The following LRP1B variants were observed in gnomAD, a reference collection of about 807,000 sequenced individuals.
LRP1B encodes low-density lipoprotein receptor-related protein 1B.
Under a neutral mutation model 556.6 loss-of-function variants are expected in LRP1B, and 217 were observed. The ratio of observed to expected loss-of-function variants is 0.39; its 90% CI spans 0.35 to 0.44. The LOEUF (loss-of-function observed/expected upper bound fraction) is 0.44. Among genes scored for constraint, LRP1B ranks in the 20% least tolerant of loss-of-function variants. The probability of loss-of-function intolerance (pLI) is 1.00; values close to 1 mark genes in which losing one functional copy is unlikely to be tolerated. For missense variants in LRP1B, 5,053 were observed against 5,620.8 expected, an observed-to-expected ratio of 0.90 and a Z score of 3.23; for synonymous variants, 2,047 against 1,865.8, an observed-to-expected ratio of 1.10 and a Z score of -2.50.
chr2:141,119,105 C>T (rs1307931751), intron 7 of LRP1B, among the ~76,000 whole-genome samples: 4 of 151,892 alleles, frequency 2.6e-5, no homozygotes, highest in Non-Finnish European at 5.9e-5. Context: ...GTTTTACACT[C>T]ATTGTCTTCC....
At chr2:141,248,850 G>A (rs934430393) in intron 4 of LRP1B, among the ~76,000 whole-genome samples, 10 of 152,094 alleles carry the variant, frequency 6.6e-5, no homozygotes, top group African/African-American at 2.4e-4. Context: ...TTTTATCCAA[G>A]AAATTGTCTT....
At chr2:141,858,060 C>T (rs1404476722) in intron 1 of LRP1B, among the ~76,000 whole-genome samples, 1 of 152,236 alleles carries the variant, frequency 6.6e-6, no homozygotes, top group African/African-American at 2.4e-5. Flanking sequence ...CAAGTAGGTA[C>T]CCTAATTCAA....
chr2:140,266,937 T>C (rs1682231998), intron 86 of LRP1B, among the ~76,000 whole-genome samples: 1 of 152,096 alleles, frequency 6.6e-6, no homozygotes, highest in Admixed American at 6.6e-5. Context: ...TGTTACAGCA[T>C]AAAGACTGCA....
chr2:141,527,986 G>T (rs945957221), intron 2 of LRP1B, among the ~76,000 whole-genome samples: 2 of 151,872 alleles, frequency 1.3e-5, no homozygotes, highest in African/African-American at 4.8e-5. Flanking sequence ...CTCAGATGAG[G>T]TCTACTAAAA....
At chr2:140,250,337 T>C (rs2104905237) in intron 86 of LRP1B, among the ~76,000 whole-genome samples, 1 of 151,896 alleles carries the variant, frequency 6.6e-6, no homozygotes, top group East Asian at 1.9e-4. Context: ...TATCATTGGA[T>C]CAGGAACAGA....
intron 2 of LRP1B, among the ~76,000 whole-genome samples, chr2:141,483,914 GC>G (rs1683018514): frequency 6.6e-6 from 1 of 150,654 alleles, no homozygotes; most frequent in African/African-American, 2.4e-5. Context: ...TCTGTAGGTT[GC>G]CTGTTCACTC....
At chr2:140,394,555 T>G (rs1220312664) in intron 66 of LRP1B, among the ~76,000 whole-genome samples, 1 of 152,036 alleles carries the variant, frequency 6.6e-6, no homozygotes, top group Non-Finnish European at 1.5e-5. Context: ...AGCCCTTCCA[T>G]GTTGAGAAAA....
intron 7 of LRP1B, among the ~76,000 whole-genome samples, chr2:141,081,689 A>C (rs1205422370): frequency 9.6e-6 from 1 of 103,698 alleles, no homozygotes; most frequent in East Asian, 2.9e-4. Context: ...TAGCCAATAA[A>C]CTCTATTAAT....
At chr2:141,212,291 T>C (rs1682595110) in intron 6 of LRP1B, among the ~76,000 whole-genome samples, 1 of 107,190 alleles carries the variant, frequency 9.3e-6, no homozygotes, top group South Asian at 3.2e-4. Context: ...TTTTTTTTTT[T>C]TTTTTGTGAC....
At chr2:141,519,075 C>T (rs975266132) in intron 2 of LRP1B, among the ~76,000 whole-genome samples, 7 of 151,830 alleles carry the variant, frequency 4.6e-5, no homozygotes, top group African/African-American at 1.5e-4. Flanking sequence ...AAGTGATGGG[C>T]TTTTCATAAG....
At chr2:140,917,080 AC>A (rs1694602002) in intron 21 of LRP1B, among the ~76,000 whole-genome samples, 1 of 152,222 alleles carries the variant, frequency 6.6e-6, no homozygotes, top group Admixed American at 6.5e-5. Context: ...TGGCAAATGA[AC>A]ATTTGAAAAT....
chr2:140,419,968 A>T (rs780456951), intron 66 of LRP1B, among the ~76,000 whole-genome samples: 5 of 151,312 alleles, frequency 3.3e-5, no homozygotes, highest in Non-Finnish European at 7.4e-5. Flanking sequence ...AGATCATGCC[A>T]CTGCACTCCA....
Position 140,327,087 on chromosome 2 carries a change from C to T in LRP1B, c.12224-1209G>A, listed in dbSNP as rs369801149. 4.0e-4 allele frequency among the ~76,000 whole-genome samples: 61 copies of T among 152,130 alleles called. 2 individuals are homozygous for T. The South Asian group carries it at 7.5e-3, about 19-fold the overall frequency. ...TCTGAATATGACATATTGCATACTT[C>T]GGAAGTACAATGCAGTTAAATACCT... is the stretch of plus-strand genomic sequence containing the variant. On this transcript the variant is annotated intron_variant, in intron 79 of 90. Coordinates refer to ENST00000389484, the MANE Select transcript of LRP1B (RefSeq NM_018557.3).
rs113754359 is a variant in LRP1B, at chr2:140,794,618, C to CTT, written c.5360-18382_5360-18381dup. Among the ~76,000 whole-genome samples the CTT allele has an allele frequency of 2.1e-4, 30 of 144,080 alleles. No homozygotes were observed. The South Asian group carries it at 5.3e-3, about 25-fold the overall frequency. The allele number at this position is 144,080 out of a possible 152,430, so 94.5% of individuals were successfully genotyped here. On this transcript the variant is annotated intron_variant, in intron 32 of 90. Transcript: ENST00000389484. ...ATGGTATTTGTTATATAGCCACTTT[C>CTT]TTTTTTTTTTTTGAGACAGAGTTTC...
intron 6 of LRP1B, among the ~76,000 whole-genome samples, chr2:141,199,276 C>A (rs902379943): frequency 1.3e-5 from 2 of 152,112 alleles, no homozygotes; most frequent in South Asian, 4.1e-4. Context: ...TGTTAAAACA[C>A]CTTAGAGTAT....
intron 1 of LRP1B, among the ~76,000 whole-genome samples, chr2:141,879,759 C>T (rs1203694727): frequency 6.6e-6 from 1 of 151,862 alleles, no homozygotes; most frequent in East Asian, 1.9e-4. Context: ...TCTTGCCAAT[C>T]ATGTTGTTTA....
At chr2:141,941,916 A>G (rs1464463236) in intron 1 of LRP1B, among the ~76,000 whole-genome samples, 2 of 152,236 alleles carry the variant, frequency 1.3e-5, no homozygotes. Context: ...AGACTATTAC[A>G]TAATGCTTAA....
chr2:141,227,258 C>T (rs1051684796), intron 6 of LRP1B, among the ~76,000 whole-genome samples: 12 of 152,012 alleles, frequency 7.9e-5, no homozygotes, highest in Admixed American at 3.9e-4. Flanking sequence ...TTCTTAAGTA[C>T]GCTCAGAAAA....
intron 3 of LRP1B, among the ~76,000 whole-genome samples, chr2:141,374,498 G>A (rs1441447972): frequency 6.6e-6 from 1 of 151,904 alleles, no homozygotes; most frequent in East Asian, 1.9e-4. Flanking sequence ...CTTGCTGCCG[G>A]GAATACCAAT....
Sources: gnomAD v4.1 joint callset for allele counts (sites outside exome capture counted in the v4.1 genomes callset) on GRCh38, gnomAD v4.1.1 for gene constraint, MANE v1.5 for transcripts, NCBI Gene and HGNC (gene_info 2026-07-23, HGNC 2026-07-21) for gene names.